Variants in RUNDC3B observed in about 807,000 individuals in gnomAD.
RUNDC3B encodes RUN domain-containing protein 3B.
RUNDC3B carries 33 observed loss-of-function variants against 58.4 expected under a neutral mutation model. The observed-to-expected ratio is 0.56, with a 90% CI of 0.43 to 0.75. The LOEUF (loss-of-function observed/expected upper bound fraction) is 0.75, where lower values mean the gene tolerates loss of function less well. Among genes scored for constraint, RUNDC3B ranks in the 30% least tolerant of loss-of-function variants. The pLI, the probability that RUNDC3B is intolerant of heterozygous loss-of-function variation, is 0.00. For synonymous variants in RUNDC3B, 193 were observed against 195.2 expected (o/e 0.99, Z 0.10); for missense variants, 501 against 535.7 (o/e 0.94, Z 0.64).
chr7:87,692,908 T>C (rs965404571), intron 2 of RUNDC3B, among the ~76,000 whole-genome samples: 2 of 152,250 alleles, frequency 1.3e-5, no homozygotes, highest in South Asian at 2.1e-4. Context: ...TAAAATGTTA[T>C]GGAAGTAAGA....
chr7:87,796,372 TAGAA>T (rs1416251465), intron 8 of RUNDC3B, among the ~76,000 whole-genome samples: 1 of 152,032 alleles, frequency 6.6e-6, no homozygotes. Flanking sequence ...TAAAAATAAT[TAGAA>T]TGAATAAGAC....
rs114576994 is a variant in RUNDC3B, at chr7:87,832,092, G to C, written c.*2062G>C. On this transcript the variant is annotated 3_prime_UTR_variant, in exon 11 of 11. Transcript: ENST00000394654. ...ATAAAATCAGGTTTCTACAGAGTTC[G>C]TTTCACACTAAAGGTAGTTTGTTAC... 1 of 151,726 alleles carries C rather than the reference G, an allele frequency of 6.6e-6. No individual in the cohort carries two copies. Among genetic ancestry groups the C allele is most frequent in the African/African-American group, 2.4e-5 (1 of 41,366 alleles). The allele number at this position is 151,726 out of a possible 1,614,324, so 9.4% of individuals were successfully genotyped here.
chr7:87,687,149 C>T (rs1827548499), intron 2 of RUNDC3B, among the ~76,000 whole-genome samples: 1 of 151,984 alleles, frequency 6.6e-6, no homozygotes, highest in Non-Finnish European at 1.5e-5. Flanking sequence ...TATATTGATT[C>T]TTAATATTTT....
Position 87,812,722 on chromosome 7 carries a change from TGATTAAAC to T in RUNDC3B, c.1104-3418_1104-3411del, listed in dbSNP as rs563184214. Among the ~76,000 whole-genome samples the T allele has an allele frequency of 1.4e-4, 21 of 152,378 alleles. No homozygotes were observed. In the East Asian group the frequency reaches 3.7e-3, roughly 27 times the overall value. On this transcript the variant is annotated intron_variant, in intron 9 of 10. Transcript: ENST00000394654. Reference sequence around the variant, plus strand: ...CTCTTACTGTCTTGGGTTCTTATTTTGATTAAACTACTTGTATGTAAAAAATTATCTTC... The same window carrying T: ...CTCTTACTGTCTTGGGTTCTTATTTTTACTTGTATGTAAAAAATTATCTTC...
intron 6 of RUNDC3B, among the ~76,000 whole-genome samples, chr7:87,743,229 G>T (rs1832446075): frequency 2.0e-5 from 3 of 152,194 alleles, no homozygotes; most frequent in Non-Finnish European, 4.4e-5. Context: ...ATGAGCATTT[G>T]GGTTGGTTCC....
chr7:87,810,530 C>T (rs1232443091), intron 9 of RUNDC3B, among the ~76,000 whole-genome samples: 2 of 152,114 alleles, frequency 1.3e-5, no homozygotes, highest in Non-Finnish European at 1.5e-5. Context: ...CAGCCTTAGG[C>T]TAATGGCCTC....
chr7:87,675,653 CA>C (rs200136132), intron 2 of RUNDC3B, among the ~76,000 whole-genome samples: 5,798 of 65,644 alleles, frequency 0.088, 95 homozygotes, highest in African/African-American at 0.17. Context: ...TATTCACATG[CA>C]AAAAAAAAAA....
chr7:87,715,243 TATAATTATATTATATATAATTAATTTATA>T (rs1563157581), intron 4 of RUNDC3B, among the ~76,000 whole-genome samples: 3 of 136,342 alleles, frequency 2.2e-5, no homozygotes, highest in East Asian at 2.0e-4. Flanking sequence ...ACTTTATATA[TATAATTATATTATATATAATTAATTTATA>T]ATAATTATAT....
At chr7:87,827,285 C>T (rs1837866144) in intron 10 of RUNDC3B, among the ~76,000 whole-genome samples, 3 of 152,042 alleles carry the variant, frequency 2.0e-5, no homozygotes, top group South Asian at 4.1e-4. Context: ...GTCAGGAGTT[C>T]GAGACCAGCC....
chr7:87,650,926 A>T lies in RUNDC3B; in HGVS notation c.227A>T (p.His76Leu), dbSNP rs770477275. The T allele has an allele frequency of 6.3e-7, 1 of 1,590,566 alleles. No homozygotes were observed. Among genetic ancestry groups the T allele is most frequent in the Non-Finnish European group, 8.6e-7 (1 of 1,159,074 alleles). ...GCTATTTTGGAACAGATTTTAAGCCACCGGCTAAAAGGTAAAAGCACTAAT... is the reference window on the plus strand; with the variant it reads ...GCTATTTTGGAACAGATTTTAAGCCTCCGGCTAAAAGGTAAAAGCACTAAT... ...FAAILEQILS[H>L]RLKGQVTWFG... Residue 76 changes from histidine (H) to leucine (L), a missense_variant, in exon 2 of 11, where the codon CAC (histidine) becomes CTC (leucine). Transcript: ENST00000394654.
intron 1 of RUNDC3B, among the ~76,000 whole-genome samples, chr7:87,646,500 G>A (rs1823018663): frequency 6.6e-6 from 1 of 152,042 alleles, no homozygotes; most frequent in Non-Finnish European, 1.5e-5. Context: ...ATCTTAAATG[G>A]CATAATTTTT....
chr7:87,795,014 G>T lies in RUNDC3B; in HGVS notation c.957-12359G>T, dbSNP rs574855727. Among the ~76,000 whole-genome samples the T allele has an allele frequency of 6.6e-5, 10 of 152,298 alleles. No homozygotes were observed. The East Asian group carries it at 1.9e-3, about 29-fold the overall frequency. ...TTAAATAACTAAGACCTCAAACTAT[G>T]AAGCTACTACAGGAAAACTTTGAAG... On this transcript the variant is annotated intron_variant, in intron 8 of 10. Transcript: ENST00000394654.
intron 8 of RUNDC3B, among the ~76,000 whole-genome samples, chr7:87,785,673 GA>G (rs775847086): frequency 7.2e-5 from 11 of 152,202 alleles, no homozygotes; most frequent in Non-Finnish European, 1.5e-4. Context: ...AATCCCATGA[GA>G]AAGGGAGCAC....
At chr7:87,827,060 T>C (rs1181597670) in intron 10 of RUNDC3B, among the ~76,000 whole-genome samples, 1 of 152,056 alleles carries the variant, frequency 6.6e-6, no homozygotes, top group Non-Finnish European at 1.5e-5. Flanking sequence ...AAGAAATTAA[T>C]GAAATGGCAA....
intron 10 of RUNDC3B, among the ~76,000 whole-genome samples, chr7:87,820,542 G>T (rs1223384835): frequency 6.6e-6 from 1 of 152,114 alleles, no homozygotes; most frequent in African/African-American, 2.4e-5. Flanking sequence ...ATTTTATGAG[G>T]CCAGCATCAT....
At chr7:87,771,024 A>G (rs1421498971) in intron 7 of RUNDC3B, among the ~76,000 whole-genome samples, 1 of 152,198 alleles carries the variant, frequency 6.6e-6, no homozygotes, top group Non-Finnish European at 1.5e-5. Flanking sequence ...TCTATGATAA[A>G]TTTTATAAAA....
rs1331839526 is a variant in RUNDC3B at position 87,827,152 on chromosome 7, T to C, written c.1226-2733T>C. Among the ~76,000 whole-genome samples the C allele has an allele frequency of 2.0e-5, 3 of 152,044 alleles. No homozygotes were observed. The East Asian group carries it at 5.8e-4, about 29-fold the overall frequency. On this transcript the variant is annotated intron_variant, in intron 10 of 10. Coordinates refer to ENST00000394654, the MANE Select transcript of RUNDC3B (RefSeq NM_001134405.2). ...AAAATTATGATTTATTCTGAATGGCTAAATATAAAGGAATAGACAAATATG... is the reference window on the plus strand; with the variant it reads ...AAAATTATGATTTATTCTGAATGGCCAAATATAAAGGAATAGACAAATATG...
chr7:87,829,514 C>T (rs573902439), intron 10 of RUNDC3B, among the ~76,000 whole-genome samples: 3 of 152,186 alleles, frequency 2.0e-5, no homozygotes, highest in African/African-American at 7.2e-5. Context: ...ACATGTGCAG[C>T]TTTATTTCTG....
intron 8 of RUNDC3B, among the ~76,000 whole-genome samples, chr7:87,796,414 A>T (rs1222057744): frequency 6.6e-6 from 1 of 152,150 alleles, no homozygotes; most frequent in East Asian, 1.9e-4. Context: ...AACAGATTAT[A>T]GTCAATAATA....
Sources: gnomAD v4.1 joint callset for allele counts (sites outside exome capture counted in the v4.1 genomes callset) on GRCh38, gnomAD v4.1.1 for gene constraint, MANE v1.5 for transcripts, NCBI Gene and HGNC (gene_info 2026-07-23, HGNC 2026-07-21) for gene names.